The following WWOX variants were observed in gnomAD, a reference collection of about 807,000 sequenced individuals.
WWOX encodes WW domain-containing oxidoreductase.
WWOX carries 69 observed loss-of-function variants against 46.2 expected under a neutral mutation model. The ratio of observed to expected loss-of-function variants is 1.49; its 90% CI spans 1.23 to 1.82. The LOEUF (loss-of-function observed/expected upper bound fraction) is 1.82. WWOX is among the 40% of genes most tolerant of loss of function. WWOX has a pLI of 0.00. For missense variants in WWOX, 919 were observed against 542.6 expected, an observed-to-expected ratio of 1.69 and a Z score of -6.89; for synonymous variants, 359 against 202.6, an observed-to-expected ratio of 1.77 and a Z score of -6.56.
chr16:78,336,483 A>G (rs1189637598), intron 5 of WWOX, among the ~76,000 whole-genome samples: 2 of 135,656 alleles, frequency 1.5e-5, no homozygotes, highest in Middle Eastern at 4.1e-3. Flanking sequence ...TCTAGCCTGA[A>G]CTTCAGAGAG....
intron 8 of WWOX, among the ~76,000 whole-genome samples, chr16:78,726,808 A>G (rs756275373): frequency 6.6e-6 from 1 of 151,994 alleles, no homozygotes; most frequent in South Asian, 2.1e-4. Context: ...GTAGTCCAGA[A>G]TAGTTCTATG....
chr16:79,095,448 G>A lies in WWOX; in HGVS notation c.1057-116160G>A, dbSNP rs572272165. Among the ~76,000 whole-genome samples, 39 of 152,290 alleles carry A rather than the reference G, an allele frequency of 2.6e-4. 1 individual carries two copies. The South Asian group carries it at 8.1e-3, about 32-fold the overall frequency. On this transcript the variant is annotated intron_variant, in intron 8 of 8. Transcript: ENST00000566780. ...GGCAGGTGGAAGGTCAGAGAGCCAG[G>A]CAGCAGAAGAGGTGGGGGCAGCAGG... is the stretch of plus-strand genomic sequence containing the variant.
chr16:78,616,241 C>T lies in WWOX; in HGVS notation c.1056+183489C>T, dbSNP rs565977010. Among the ~76,000 whole-genome samples, 6 of 151,830 alleles carry T rather than the reference C, an allele frequency of 4.0e-5. No homozygotes were observed. The East Asian group carries it at 1.2e-3, about 29-fold the overall frequency. On this transcript the variant is annotated intron_variant, in intron 8 of 8. Transcript: ENST00000566780. ...GTGGTTTTTTTTTTAATTATATAAG[C>T]AAGTAGGATGTTTGTCTTAGTTTTT...
chr16:78,880,099 C>G (rs1597098684), intron 8 of WWOX, among the ~76,000 whole-genome samples: 1 of 152,246 alleles, frequency 6.6e-6, no homozygotes, highest in African/African-American at 2.4e-5. Context: ...TTGTCAAACA[C>G]TTACATTTGT....
chr16:78,572,783 A>G (rs1296685252), intron 8 of WWOX, among the ~76,000 whole-genome samples: 1 of 152,034 alleles, frequency 6.6e-6, no homozygotes, highest in Non-Finnish European at 1.5e-5. Flanking sequence ...GGTGTGAGGG[A>G]CGGGGCATGG....
At chr16:78,840,813 A>ATC (rs35038917) in intron 8 of WWOX, among the ~76,000 whole-genome samples, 12,164 of 151,882 alleles carry the variant, frequency 0.08, 668 homozygotes, top group Non-Finnish European at 0.12. Flanking sequence ...AGGTATATAT[A>ATC]TTTGTGGTCT....
At chr16:78,578,978 C>G (rs1175729966) in intron 8 of WWOX, among the ~76,000 whole-genome samples, 1 of 152,186 alleles carries the variant, frequency 6.6e-6, no homozygotes, top group African/African-American at 2.4e-5. Context: ...ACCACCACCA[C>G]AAAAGAGGCA....
chr16:79,084,546 C>T (rs1412704356), intron 8 of WWOX, among the ~76,000 whole-genome samples: 4 of 152,086 alleles, frequency 2.6e-5, no homozygotes, highest in Admixed American at 1.3e-4. Context: ...TCCTGAGTAG[C>T]TGGGACTACA....
At chr16:78,967,459 G>GTTT (rs57576563) in intron 8 of WWOX, among the ~76,000 whole-genome samples, 38 of 98,320 alleles carry the variant, frequency 3.9e-4, no homozygotes, top group African/African-American at 1.3e-3. Context: ...AATTTTTGTG[G>GTTT]TTTTTTTTTT....
intron 8 of WWOX, among the ~76,000 whole-genome samples, chr16:78,436,237 G>A (rs1399615740): frequency 6.6e-6 from 1 of 152,136 alleles, no homozygotes; most frequent in African/African-American, 2.4e-5. Flanking sequence ...CAAATTGGGA[G>A]TCTGGAAAGG....
Position 79,107,752 on chromosome 16 carries a change from A to G in WWOX, c.1057-103856A>G, listed in dbSNP as rs908618425. Among the ~76,000 whole-genome samples, 3 of 152,202 alleles carry G rather than the reference A, an allele frequency of 2.0e-5. No homozygotes were observed. The South Asian group carries it at 6.2e-4, about 31-fold the overall frequency. On this transcript the variant is annotated intron_variant, in intron 8 of 8. Transcript: ENST00000566780. ...AATTCTAGATTTATAAATTTCTCCC[A>G]AGGAAATCATTAGGTGCTACATGAA...
At chr16:78,513,289 G>A (rs1391530493) in intron 8 of WWOX, among the ~76,000 whole-genome samples, 1 of 152,200 alleles carries the variant, frequency 6.6e-6, no homozygotes, top group East Asian at 1.9e-4. Flanking sequence ...TTTCAGATGT[G>A]GAATTTGTAG....
At chr16:78,840,425 C>G (rs532389359) in intron 8 of WWOX, among the ~76,000 whole-genome samples, 1 of 152,224 alleles carries the variant, frequency 6.6e-6, no homozygotes, top group Non-Finnish European at 1.5e-5. Context: ...CAAAAGTCCT[C>G]TTGCCTCTGC....
At chr16:78,835,114 A>T (rs372391961) in intron 8 of WWOX, among the ~76,000 whole-genome samples, 3 of 152,284 alleles carry the variant, frequency 2.0e-5, no homozygotes, top group East Asian at 3.9e-4. Context: ...CAAGGATCTT[A>T]AGGTAATATA....
At chr16:78,949,664 A>G (rs2046019019) in intron 8 of WWOX, among the ~76,000 whole-genome samples, 1 of 152,230 alleles carries the variant, frequency 6.6e-6, no homozygotes, top group Non-Finnish European at 1.5e-5. Flanking sequence ...CTCCATCTGG[A>G]CAAAGCCTTG....
chr16:78,870,664 C>T (rs571131314), intron 8 of WWOX, among the ~76,000 whole-genome samples: 4 of 152,184 alleles, frequency 2.6e-5, no homozygotes, highest in African/African-American at 9.6e-5. Flanking sequence ...TGCGGTGGTG[C>T]GATCTTGCCT....
chr16:79,064,344 A>T (rs749466233), intron 8 of WWOX, among the ~76,000 whole-genome samples: 1 of 152,252 alleles, frequency 6.6e-6, no homozygotes, highest in African/African-American at 2.4e-5. Context: ...GATGGGTTGC[A>T]CTGTAAGTTT....
intron 8 of WWOX, among the ~76,000 whole-genome samples, chr16:78,726,173 T>C (rs189298864): frequency 8.8e-5 from 13 of 147,152 alleles, no homozygotes; most frequent in African/African-American, 3.0e-4. Flanking sequence ...GTGTCTCTCT[T>C]TTCTCTCTCT....
At chr16:78,821,226 G>A (rs983043567) in intron 8 of WWOX, among the ~76,000 whole-genome samples, 1 of 152,062 alleles carries the variant, frequency 6.6e-6, no homozygotes, top group Non-Finnish European at 1.5e-5. Flanking sequence ...TGCATGTTGA[G>A]CATCGTCTGT....
Sources: allele counts gnomAD v4.1 joint callset (sites outside exome capture counted in the v4.1 genomes callset), GRCh38; gene constraint gnomAD v4.1.1; transcripts MANE v1.5; gene names NCBI Gene and HGNC (gene_info 2026-07-23, HGNC 2026-07-21).